The following RBFOX1 variants were observed in gnomAD, a reference collection of about 807,000 sequenced individuals.
RBFOX1 encodes the protein RNA binding protein fox-1 homolog 1.
Under a neutral mutation model 57.7 loss-of-function variants are expected in RBFOX1, and 8 were observed. The observed-to-expected ratio is 0.14, with a 90% CI of 0.08 to 0.25. The LOEUF (loss-of-function observed/expected upper bound fraction) is 0.25, where lower values mean the gene tolerates loss of function less well. RBFOX1 is among the 10% of genes least tolerant of loss of function. The pLI is 1.00. For synonymous variants in RBFOX1, 326 were observed against 222.4 expected, an observed-to-expected ratio of 1.47 and a Z score of -4.15; for missense variants, 611 against 548.5, an observed-to-expected ratio of 1.11 and a Z score of -1.14.
chr16:7,541,483 T>C (rs995137514), intron 5 of RBFOX1, among the ~76,000 whole-genome samples: 3 of 152,154 alleles, frequency 2.0e-5, no homozygotes, highest in African/African-American at 7.2e-5. Flanking sequence ...TCCCGACTTT[T>C]ATCTCACTCA....
chr16:7,696,218 G>A (rs1331367990), intron 14 of RBFOX1, among the ~76,000 whole-genome samples: 5 of 152,122 alleles, frequency 3.3e-5, no homozygotes, highest in African/African-American at 4.8e-5. Context: ...GTGTTGTTTT[G>A]TTTTGGTTTT....
At chr16:6,965,734 A>G (rs1344292846) in intron 3 of RBFOX1, among the ~76,000 whole-genome samples, 1 of 152,238 alleles carries the variant, frequency 6.6e-6, no homozygotes, top group African/African-American at 2.4e-5. Flanking sequence ...AATGGGAATG[A>G]TAATAATCAT....
At chr16:6,043,884 CT>C (rs1181407681) in intron 1 of RBFOX1, among the ~76,000 whole-genome samples, 3 of 152,150 alleles carry the variant, frequency 2.0e-5, no homozygotes, top group African/African-American at 7.2e-5. Flanking sequence ...CCGGCCTCTG[CT>C]TGCTGTCACT....
At chr16:5,765,472 A>G (rs1394775691) in intron 3 of RBFOX1, among the ~76,000 whole-genome samples, 2 of 152,212 alleles carry the variant, frequency 1.3e-5, no homozygotes, top group Admixed American at 1.3e-4. Flanking sequence ...AGAGTCAACC[A>G]CAGTTACCAT....
chr16:7,445,560 A>G (rs2098801505), intron 4 of RBFOX1, among the ~76,000 whole-genome samples: 1 of 152,192 alleles, frequency 6.6e-6, no homozygotes, highest in South Asian at 2.1e-4. Context: ...GGGTCATTTG[A>G]TTCAAATGTA....
intron 4 of RBFOX1, among the ~76,000 whole-genome samples, chr16:7,293,040 G>A (rs910624436): frequency 2.0e-5 from 3 of 152,292 alleles, no homozygotes; most frequent in Non-Finnish European, 1.5e-5. Flanking sequence ...AACCAAGACA[G>A]TTTAATCAAA....
At chr16:7,699,601 G>A (rs2079986519) in intron 14 of RBFOX1, among the ~76,000 whole-genome samples, 1 of 152,184 alleles carries the variant, frequency 6.6e-6, no homozygotes, top group African/African-American at 2.4e-5. Context: ...ACCAGGATGA[G>A]TTGTAAGTAA....
intron 4 of RBFOX1, among the ~76,000 whole-genome samples, chr16:7,122,068 TA>T (rs777583127): frequency 1.2e-4 from 18 of 152,010 alleles, no homozygotes; most frequent in Non-Finnish European, 2.1e-4. Flanking sequence ...AACACATGGG[TA>T]AAATATTCAC....
At chr16:7,608,257 T>C (rs1167205890) in intron 10 of RBFOX1, among the ~76,000 whole-genome samples, 1 of 152,204 alleles carries the variant, frequency 6.6e-6, no homozygotes, top group Non-Finnish European at 1.5e-5. Context: ...TGCCTAACTT[T>C]TGTCATTTTC....
At chr16:5,671,985 C>T (rs905381106) in intron 3 of RBFOX1, among the ~76,000 whole-genome samples, 15 of 152,036 alleles carry the variant, frequency 9.9e-5, no homozygotes, top group African/African-American at 3.6e-4. Flanking sequence ...AAAAGCCTGT[C>T]CTATGTTCTT....
intron 2 of RBFOX1, among the ~76,000 whole-genome samples, chr16:5,483,299 G>T (rs890593854): frequency 6.6e-6 from 1 of 152,128 alleles, no homozygotes; most frequent in Non-Finnish European, 1.5e-5. Context: ...CATGCTCTTC[G>T]TGCTCTTGGC....
intron 1 of RBFOX1, among the ~76,000 whole-genome samples, chr16:6,054,131 G>A (rs2095585746): frequency 1.3e-5 from 2 of 152,154 alleles, no homozygotes; most frequent in Admixed American, 1.3e-4. Context: ...GAAACTGTCA[G>A]TTTGAAGCAG....
intron 5 of RBFOX1, among the ~76,000 whole-genome samples, chr16:7,557,643 GAAAA>G (rs1467291700): frequency 1.4e-5 from 1 of 73,352 alleles, no homozygotes; most frequent in Non-Finnish European, 3.1e-5. Flanking sequence ...AAAAAAAAAA[GAAAA>G]AGAAAAAAAA....
At chr16:7,293,313 A>G (rs2095830398) in intron 4 of RBFOX1, among the ~76,000 whole-genome samples, 1 of 152,208 alleles carries the variant, frequency 6.6e-6, no homozygotes, top group Admixed American at 6.5e-5. Context: ...ACAGGAGGAT[A>G]TGTGTAGGTT....
intron 6 of RBFOX1, among the ~76,000 whole-genome samples, chr16:7,586,597 C>G (rs1038062020): frequency 1.3e-5 from 2 of 152,164 alleles, no homozygotes; most frequent in Non-Finnish European, 2.9e-5. Context: ...TATTTATAAT[C>G]TGAGTCTCTG....
intron 4 of RBFOX1, among the ~76,000 whole-genome samples, chr16:7,303,760 G>GCTCTCTCTCTCT (rs145673482): frequency 1.4e-5 from 2 of 139,900 alleles, no homozygotes; most frequent in African/African-American, 2.7e-5. Context: ...CCTCCCTCTC[G>GCTCTCTCTCTCT]CTCTCTCTCT....
intron 3 of RBFOX1, among the ~76,000 whole-genome samples, chr16:6,812,337 G>A (rs989235064): frequency 6.6e-6 from 1 of 152,136 alleles, no homozygotes; most frequent in African/African-American, 2.4e-5. Context: ...ACAATGCAAA[G>A]TGCCAATTAG....
chr16:7,709,093 G>A lies in RBFOX1; in HGVS notation c.1033G>A (p.Ala345Thr), dbSNP rs150941982. 9.4e-5 allele frequency: 151 copies of A among 1,613,706 alleles called. 1 individual carries two copies. Among genetic ancestry groups the A allele is most frequent in the African/African-American group, 2.8e-4 (21 of 75,002 alleles). The change falls in exon 15 of 16, where the codon GCA (alanine) becomes ACA (threonine). Residue 345 changes from alanine (A) to threonine (T), a missense_variant. Ala to Thr is a moderately conservative substitution (Grantham distance 58, BLOSUM62 0). Transcript: ENST00000550418. ...TTATGCTGCCGACCCCTACCACCAC[G>A]CACTTGCTCCAGCCCCCACCTACGG... ...RVYAADPYHH[A>T]LAPAPTYGVG...
chr16:5,693,934 A>T (rs562318393), intron 3 of RBFOX1, among the ~76,000 whole-genome samples: 1 of 152,194 alleles, frequency 6.6e-6, no homozygotes, highest in Non-Finnish European at 1.5e-5. Context: ...ACAGGTGGCA[A>T]TGGCCTTGTG....
Sources: allele counts gnomAD v4.1 joint callset (sites outside exome capture counted in the v4.1 genomes callset), GRCh38; gene constraint gnomAD v4.1.1; transcripts MANE v1.5; gene names NCBI Gene and HGNC (gene_info 2026-07-23, HGNC 2026-07-21).